Variants in VAV2 observed in about 807,000 individuals in gnomAD.
The protein encoded by VAV2 is guanine nucleotide exchange factor VAV2.
VAV2 carries 67 observed loss-of-function variants against 132.5 expected under a neutral mutation model. The ratio of observed to expected loss-of-function variants is 0.51; its 90% CI spans 0.42 to 0.62. The LOEUF (loss-of-function observed/expected upper bound fraction) is 0.62. Ranked by LOEUF, VAV2 falls within the 20% of genes least tolerant of loss-of-function variation. The probability of loss-of-function intolerance (pLI) is 0.00; values close to 1 mark genes in which losing one functional copy is unlikely to be tolerated. For missense variants in VAV2, 938 were observed against 1,153.6 expected (o/e 0.81, Z 2.71); for synonymous variants, 492 against 443.5 (o/e 1.11, Z -1.37).
At chr9:133,903,076 A>AG (rs1839505404) in intron 2 of VAV2, among the ~76,000 whole-genome samples, 1 of 145,184 alleles carries the variant, frequency 6.9e-6, no homozygotes, top group African/African-American at 2.6e-5. Flanking sequence ...ACCCTGCCCC[A>AG]GGAAAAAAAA....
At chr9:133,780,071 G>A in intron 20 of VAV2, 132 bp from the exon 21 acceptor site, 1 of 1,249,502 alleles carries the variant, frequency 8.0e-7, no homozygotes, top group Non-Finnish European at 1.1e-6. Context: ...AGCAGGGGAG[G>A]AGAGGGACAC....
rs1164887834 is a variant in VAV2, at chr9:133,804,547, ACT to A, written c.836+1532_836+1533del. Among the ~76,000 whole-genome samples the A allele has an allele frequency of 5.3e-5, 8 of 152,118 alleles. No individual in the cohort carries two copies. The highest frequency in any genetic ancestry group is 1.9e-4 in the African/African-American group (8 of 41,412). On this transcript the variant is annotated intron_variant, in intron 9 of 29. Transcript: ENST00000371850. The surrounding 1 kb of genome is among the most constrained non-coding windows in gnomAD (Gnocchi z 4.5). ...GAGAGGACAGGTTATCCACCCTGTC[ACT>A]CTACCACACAGCCAGCCATTCCTCC...
Position 133,991,996 on chromosome 9 carries a change from G to T in VAV2, c.204+79C>A. On this transcript the variant is annotated intron_variant, in intron 1 of 29. Transcript: ENST00000371850. This position sits in a 1 kb window ranked among gnomAD's most constrained non-coding sequence, Gnocchi z 4.8. ...CCAGGGCGCCTGGGCCGCCGCCGCT[G>T]CGACCTCCGCGTTCAGTCCGCGCGT... is the stretch of plus-strand genomic sequence containing the variant. 1.6e-6 allele frequency: 2 copies of T among 1,213,410 alleles called. No homozygotes were observed. The highest frequency in any genetic ancestry group is 2.1e-6 in the Non-Finnish European group (2 of 959,114). The allele number at this position is 1,213,410 out of a possible 1,614,324, so 75.2% of individuals were successfully genotyped here.
rs551015914 is a variant in VAV2 at position 133,907,347 on chromosome 9, C to T, written c.321+31756G>A. Among the ~76,000 whole-genome samples the T allele has an allele frequency of 7.2e-4, 109 of 152,368 alleles. 1 individual carries two copies. The highest frequency in any genetic ancestry group is 3.4e-3 in the Middle Eastern group (1 of 294). On this transcript the variant is annotated intron_variant, in intron 2 of 29. Coordinates refer to ENST00000371850, the MANE Select transcript of VAV2 (RefSeq NM_001134398.2). The stretch of plus-strand genomic sequence containing the variant: ...GGCCACTGCTCCCCAAGGCCCCTCC[C>T]GGATGCCGGTCACTCCATCCCATCA...
rs543991305 is a variant in VAV2 at position 133,820,048 on chromosome 9, G to C, written c.450-7832C>G. Among the ~76,000 whole-genome samples the C allele has an allele frequency of 2.0e-5, 3 of 152,134 alleles. No individual in the cohort carries two copies. In the East Asian group the frequency reaches 5.8e-4, roughly 29 times the overall value. On this transcript the variant is annotated intron_variant, in intron 4 of 29. Coordinates refer to ENST00000371850, the MANE Select transcript of VAV2 (RefSeq NM_001134398.2). ...CCGATTCTGCATCAGAAATATGTTG[G>C]GTCCTTGGGACACAGGGGACAATGG... is the stretch of plus-strand genomic sequence containing the variant.
intron 13 of VAV2, 91 bp downstream of exon 13, chr9:133,791,692 A>G: frequency 6.9e-6 from 8 of 1,155,376 alleles, no homozygotes; most frequent in South Asian, 1.2e-5. Flanking sequence ...GTGGCTGCCC[A>G]TGGAGCTCAC....
At chr9:133,805,724 C>G (rs1198519197) in intron 9 of VAV2, among the ~76,000 whole-genome samples, 1 of 152,226 alleles carries the variant, frequency 6.6e-6, no homozygotes, top group African/African-American at 2.4e-5. Flanking sequence ...TTGTCCACAT[C>G]CTAACTTTAA....
intron 2 of VAV2, among the ~76,000 whole-genome samples, chr9:133,910,693 G>A (rs1290057783): frequency 6.6e-5 from 10 of 151,516 alleles, no homozygotes; most frequent in Non-Finnish European, 1.3e-4. Flanking sequence ...GCGTGGTGGC[G>A]GGCGCCTGTA....
chr9:133,979,275 C>T (rs1052817684), intron 1 of VAV2, among the ~76,000 whole-genome samples: 1 of 152,184 alleles, frequency 6.6e-6, no homozygotes, highest in Non-Finnish European at 1.5e-5. Context: ...CCTTTGACAG[C>T]GGAGAATGCA....
At position 133,871,464 on chromosome 9, in the gene VAV2, AAG is replaced by A. The variant is rs1483566411; in HGVS notation, c.322-10034_322-10033del. 2.3e-3 allele frequency among the ~76,000 whole-genome samples: 221 copies of A among 94,420 alleles called. 1 individual carries two copies. Among genetic ancestry groups the A allele is most frequent in the African/African-American group, 9.6e-3 (211 of 21,956 alleles). 61.9% of individuals were successfully genotyped at this position (94,420 alleles called of 152,430 possible). A position where few individuals can be genotyped will look rare whatever the true frequency, so the allele number is the denominator to read the frequency against. On this transcript the variant is annotated intron_variant, in intron 2 of 29. Transcript: ENST00000371850. ...TTGATGGATGGATGGATGGATGGAG[AAG>A]CGGATGGATGGATGGATGGATGGAT...
rs1379058013 is a variant in VAV2, at chr9:133,824,155, C to T, written c.449+10117G>A. 2.6e-5 allele frequency among the ~76,000 whole-genome samples: 4 copies of T among 152,164 alleles called. No individual in the cohort carries two copies. The highest frequency in any genetic ancestry group is 6.5e-5 in the Admixed American group (1 of 15,278). ...GTGGGGCTCTCATCCCAACGAGCTGCGGTCTCCACAGCCAGCCCCACAGGG... is the reference window on the plus strand; with the variant it reads ...GTGGGGCTCTCATCCCAACGAGCTGTGGTCTCCACAGCCAGCCCCACAGGG... On this transcript the variant is annotated intron_variant, in intron 4 of 29. Transcript: ENST00000371850. The surrounding 1 kb of genome is among the most constrained non-coding windows in gnomAD (Gnocchi z 5.2).
At chr9:133,819,537 G>A (rs1387810601) in intron 4 of VAV2, among the ~76,000 whole-genome samples, 1 of 152,088 alleles carries the variant, frequency 6.6e-6, no homozygotes, top group East Asian at 1.9e-4. Context: ...TCTTAAACAC[G>A]CAGACAACAT....
chr9:133,973,259 G>A lies in VAV2; in HGVS notation c.204+18816C>T, dbSNP rs1477494482. On this transcript the variant is annotated intron_variant, in intron 1 of 29. Coordinates refer to ENST00000371850, the MANE Select transcript of VAV2 (RefSeq NM_001134398.2). ...GCCCAGCGCTCAGCCCGCCCAGAGCGTCAACCCCCTGCATCCTCACACCCA... is the reference window on the plus strand; with the variant it reads ...GCCCAGCGCTCAGCCCGCCCAGAGCATCAACCCCCTGCATCCTCACACCCA... Among the ~76,000 whole-genome samples the A allele has an allele frequency of 2.6e-5, 4 of 152,276 alleles. No individual in the cohort carries two copies. The East Asian group carries it at 5.8e-4, about 22-fold the overall frequency.
At chr9:133,774,312 C>T (rs1833735013) in intron 25 of VAV2, among the ~76,000 whole-genome samples, 1 of 152,194 alleles carries the variant, frequency 6.6e-6, no homozygotes, top group Admixed American at 6.5e-5. Flanking sequence ...CCCATCTTAG[C>T]CTCCTGCAGG....
At chr9:133,972,706 A>T (rs967041545) in intron 1 of VAV2, among the ~76,000 whole-genome samples, 1 of 151,716 alleles carries the variant, frequency 6.6e-6, no homozygotes, top group East Asian at 1.9e-4. Context: ...CTTGCCACTC[A>T]CTCCAGCGAG....
rs200420003 is a variant in VAV2, at chr9:133,861,363, G to A, written c.380+11C>T. On this transcript the variant is annotated intron_variant, in intron 3 of 29. Coordinates refer to ENST00000371850, the MANE Select transcript of VAV2 (RefSeq NM_001134398.2). ...GGACCCGGCCTTGGCAGCGCACTCC[G>A]GAGAGCTCACCTGATCCCTTTGTTC... 7.0e-5 allele frequency: 113 copies of A among 1,609,372 alleles called. No individual in the cohort carries two copies. The East Asian group carries it at 7.4e-4, about 11-fold the overall frequency.
rs1833521009 is a variant in VAV2, at chr9:133,768,793, T to C, written c.2435-197A>G. 6.6e-6 allele frequency among the ~76,000 whole-genome samples: 1 copy of C among 152,114 alleles called. No individual in the cohort carries two copies. Among genetic ancestry groups the C allele is most frequent in the African/African-American group, 2.4e-5 (1 of 41,422 alleles). On this transcript the variant is annotated intron_variant, in intron 28 of 29. Coordinates refer to ENST00000371850, the MANE Select transcript of VAV2 (RefSeq NM_001134398.2). This position sits in a 1 kb window ranked among gnomAD's most constrained non-coding sequence, Gnocchi z 5.3. ...CCCAGGGCCCCTTGCCCTCTGGGTC[T>C]GGGGACACAGCACATCCAAGTCCCT...
rs1410724825 is a variant in VAV2 at position 133,885,330 on chromosome 9, T to A, written c.322-23898A>T. On this transcript the variant is annotated intron_variant, in intron 2 of 29. Transcript: ENST00000371850. This position sits in a 1 kb window ranked among gnomAD's most constrained non-coding sequence, Gnocchi z 5.0. ...GCCCAGCTGCACTGTCTGCCTCTGC[T>A]TCTTCCCCACAAGTTCAAGGTCGGT... is the stretch of plus-strand genomic sequence containing the variant. Among the ~76,000 whole-genome samples the A allele has an allele frequency of 6.6e-6, 1 of 152,232 alleles. No homozygotes were observed. Among genetic ancestry groups the A allele is most frequent in the Non-Finnish European group, 1.5e-5 (1 of 68,036 alleles).
chr9:133,780,584 G>A (rs1006507745), intron 20 of VAV2, 110 bp downstream of exon 20: 1 of 1,238,664 alleles, frequency 8.1e-7, no homozygotes, highest in Non-Finnish European at 1.0e-6. Context: ...ATCCAAGCCG[G>A]TGTGGCCCCA....
Sources: allele counts gnomAD v4.1 joint callset (sites outside exome capture counted in the v4.1 genomes callset), GRCh38; gene constraint gnomAD v4.1.1; non-coding constraint Gnocchi (gnomAD v3.1); transcripts MANE v1.5; gene names NCBI Gene and HGNC (gene_info 2026-07-23, HGNC 2026-07-21).